The following CNIH3 variants were observed in gnomAD, a reference collection of about 807,000 sequenced individuals.
CNIH3 encodes protein cornichon homolog 3.
In CNIH3, 14 loss-of-function variants were observed where a neutral mutation model predicts 24.1. That is an observed-to-expected ratio of 0.58 (90% CI 0.38 to 0.91). The LOEUF is 0.91. Among genes scored for constraint, CNIH3 ranks in the 40% least tolerant of loss-of-function variants. CNIH3 has a pLI of 0.00. For missense variants in CNIH3, 178 were observed against 196.8 expected, an observed-to-expected ratio of 0.90 and a Z score of 0.57; for synonymous variants, 68 against 73.8, an observed-to-expected ratio of 0.92 and a Z score of 0.40.
At position 224,684,023 on chromosome 1, in the gene CNIH3, TC is replaced by T. The variant is rs1170248027; in HGVS notation, c.151-772del. Among the ~76,000 whole-genome samples the T allele has an allele frequency of 6.6e-6, 1 of 152,196 alleles. No homozygotes were observed. The highest frequency in any genetic ancestry group is 1.5e-5 in the Non-Finnish European group (1 of 68,030). On this transcript the variant is annotated intron_variant, in intron 2 of 5. Transcript: ENST00000272133. This position sits in a 1 kb window ranked among gnomAD's most constrained non-coding sequence, Gnocchi z 4.2. ...GTCCTTTCCAGAGCCATGAGGAATC[TC>T]ATTACCATTCCATCTACAGCAACCA...
intron 1 of CNIH3, among the ~76,000 whole-genome samples, chr1:224,510,058 T>C (rs989771883): frequency 6.6e-6 from 1 of 152,226 alleles, no homozygotes; most frequent in African/African-American, 2.4e-5. Flanking sequence ...CCTAGCAGTG[T>C]GGACCTCGTG....
At chr1:224,551,920 T>A (rs1171261802) in intron 3 of CNIH3, among the ~76,000 whole-genome samples, 1 of 151,136 alleles carries the variant, frequency 6.6e-6, no homozygotes, top group East Asian at 2.0e-4. Context: ...TCACATGGGG[T>A]GTACTCCCTC....
chr1:224,491,793 A>G (rs1452041222), intron 1 of CNIH3, among the ~76,000 whole-genome samples: 1 of 152,086 alleles, frequency 6.6e-6, no homozygotes, highest in Non-Finnish European at 1.5e-5. Context: ...TTTTTAGTAG[A>G]GATGGGGTTT....
At chr1:224,716,824 G>A (rs1296663200) in intron 3 of CNIH3, among the ~76,000 whole-genome samples, 2 of 152,152 alleles carry the variant, frequency 1.3e-5, no homozygotes, top group Non-Finnish European at 2.9e-5. Flanking sequence ...GGTGTAATGA[G>A]AAATGGAAAT....
upstream of CNIH3, among the ~76,000 whole-genome samples, chr1:224,614,744 C>G (rs1053455693): frequency 6.6e-6 from 1 of 151,812 alleles, no homozygotes; most frequent in African/African-American, 2.4e-5. Flanking sequence ...GTCAAGAGAT[C>G]GAGACCATCT....
At chr1:224,545,321 T>G (rs1679661468) in intron 2 of CNIH3, among the ~76,000 whole-genome samples, 1 of 152,232 alleles carries the variant, frequency 6.6e-6, no homozygotes, top group African/African-American at 2.4e-5. Flanking sequence ...CCCTTGTCTC[T>G]TCTCTCATCT....
intron 1 of CNIH3, among the ~76,000 whole-genome samples, chr1:224,473,736 C>T (rs1224703358): frequency 6.6e-6 from 1 of 152,206 alleles, no homozygotes; most frequent in African/African-American, 2.4e-5. Flanking sequence ...TTGGGCACAT[C>T]TCCTAGACAG....
In CNIH3 at chr1:224,711,647, T is replaced by G. The variant is rs538080377; in HGVS notation, c.199-18815T>G. On this transcript the variant is annotated intron_variant, in intron 3 of 5. Coordinates refer to ENST00000272133, the MANE Select transcript of CNIH3 (RefSeq NM_152495.2). ...CTGCCTCTACAAAAAATACAAAAAT[T>G]AGCCAGGTATGGTGGTACCCGCCTG... Among the ~76,000 whole-genome samples, 3 of 151,220 alleles carry G rather than the reference T, an allele frequency of 2.0e-5. 1 individual carries two copies. In the South Asian group the frequency reaches 6.3e-4, roughly 32 times the overall value.
At chr1:224,629,602 G>C (rs544486444) in intron 1 of CNIH3, among the ~76,000 whole-genome samples, 1 of 152,278 alleles carries the variant, frequency 6.6e-6, no homozygotes, top group Non-Finnish European at 1.5e-5. Flanking sequence ...TGCTGTGAAT[G>C]TGGGTGTACG....
At chr1:224,680,166 C>G (rs1318065460) in intron 1 of CNIH3, among the ~76,000 whole-genome samples, 2 of 152,166 alleles carry the variant, frequency 1.3e-5, no homozygotes, top group African/African-American at 2.4e-5. Flanking sequence ...AAAGGACACT[C>G]CCCTGGCCAA....
At chr1:224,665,096 C>G (rs1685533860) in intron 1 of CNIH3, among the ~76,000 whole-genome samples, 1 of 152,120 alleles carries the variant, frequency 6.6e-6, no homozygotes, top group East Asian at 1.9e-4. Flanking sequence ...GTATTGCACA[C>G]TCTTGAATAT....
chr1:224,720,252 C>CTTTTT (rs10625559), intron 3 of CNIH3, among the ~76,000 whole-genome samples: 1 of 142,080 alleles, frequency 7.0e-6, no homozygotes, highest in Non-Finnish European at 1.5e-5. Flanking sequence ...GGATAGTCAT[C>CTTTTT]TTTTTTTTTT....
At chr1:224,471,206 T>A (rs1676355608) in intron 1 of CNIH3, among the ~76,000 whole-genome samples, 1 of 151,998 alleles carries the variant, frequency 6.6e-6, no homozygotes, top group African/African-American at 2.4e-5. Context: ...ATCCAGCTCA[T>A]GTTTTATATT....
chr1:224,495,709 A>G (rs1677410581), intron 1 of CNIH3, among the ~76,000 whole-genome samples: 1 of 152,156 alleles, frequency 6.6e-6, no homozygotes, highest in Non-Finnish European at 1.5e-5. Context: ...GGCATTCACC[A>G]GGGGAAGGGC....
At chr1:224,639,669 C>T (rs910778143) in intron 1 of CNIH3, among the ~76,000 whole-genome samples, 5 of 152,044 alleles carry the variant, frequency 3.3e-5, no homozygotes, top group Admixed American at 3.3e-4. Context: ...GCAGGTAGAC[C>T]TCAGATAAGG....
At chr1:224,478,132 A>C (rs951710556) in intron 1 of CNIH3, among the ~76,000 whole-genome samples, 3 of 151,966 alleles carry the variant, frequency 2.0e-5, no homozygotes, top group Non-Finnish European at 4.4e-5. Context: ...AAATGCCTTG[A>C]TGTAGTCTTC....
At chr1:224,490,476 C>G (rs926593042) in intron 1 of CNIH3, among the ~76,000 whole-genome samples, 2 of 152,162 alleles carry the variant, frequency 1.3e-5, no homozygotes, top group East Asian at 3.8e-4. Context: ...TTAGTTTAGT[C>G]GTGTTTTCAC....
chr1:224,573,178 A>T (rs910022385), intron 4 of CNIH3, among the ~76,000 whole-genome samples: 2 of 152,200 alleles, frequency 1.3e-5, no homozygotes, highest in African/African-American at 4.8e-5. Flanking sequence ...CAGTCTCATC[A>T]AAGATTTGTT....
At chr1:224,452,298 T>C (rs931202779) in intron 1 of CNIH3, among the ~76,000 whole-genome samples, 1 of 151,674 alleles carries the variant, frequency 6.6e-6, no homozygotes, top group Non-Finnish European at 1.5e-5. Flanking sequence ...TATAGGCGCG[T>C]ACCACCATGC....
Sources: allele counts gnomAD v4.1 joint callset (sites outside exome capture counted in the v4.1 genomes callset), GRCh38; gene constraint gnomAD v4.1.1; non-coding constraint Gnocchi (gnomAD v3.1); transcripts MANE v1.5; gene names NCBI Gene and HGNC (gene_info 2026-07-23, HGNC 2026-07-21).